Variants in KLF12 observed in about 807,000 individuals in gnomAD.
KLF12 encodes the protein KLF transcription factor 12.
Under a neutral mutation model 37.8 loss-of-function variants are expected in KLF12, and 9 were observed. The ratio of observed to expected loss-of-function variants is 0.24; its 90% CI spans 0.14 to 0.42. The LOEUF (loss-of-function observed/expected upper bound fraction) is 0.42, where lower values mean the gene tolerates loss of function less well. KLF12 is among the 10% of genes least tolerant of loss of function. The pLI is 1.00. For synonymous variants in KLF12, 208 were observed against 202.1 expected (o/e 1.03, Z -0.25); for missense variants, 411 against 516.0 (o/e 0.80, Z 1.97).
intron 5 of KLF12, among the ~76,000 whole-genome samples, chr13:73,790,819 T>G (rs1881641472): frequency 6.6e-6 from 1 of 152,208 alleles, no homozygotes; most frequent in Admixed American, 6.5e-5. Context: ...CTGGTTGACT[T>G]GCACACAGGG....
chr13:73,927,634 T>C (rs1315840087), intron 3 of KLF12, among the ~76,000 whole-genome samples: 1 of 152,152 alleles, frequency 6.6e-6, no homozygotes, highest in Non-Finnish European at 1.5e-5. Context: ...TGGAGTGCAG[T>C]GGCGCGATCT....
rs1282567642 is a variant in KLF12, at chr13:73,690,975, C to T, written c.*4515G>A. ...GTATCAGTGGACATGGGTTACTAAA[C>T]AGACATTATAATGAAACTGTGAAAA... On this transcript the variant is annotated 3_prime_UTR_variant, in exon 8 of 8. Transcript: ENST00000377669. The T allele has an allele frequency of 6.6e-6, 1 of 152,570 alleles. No homozygotes were observed. The allele number at this position is 152,570 out of a possible 1,614,324, so 9.5% of individuals were successfully genotyped here. A position where few individuals can be genotyped will look rare whatever the true frequency, so the allele number is the denominator to read the frequency against.
chr13:73,878,274 T>C (rs2138927821), intron 3 of KLF12, among the ~76,000 whole-genome samples: 1 of 152,264 alleles, frequency 6.6e-6, no homozygotes, highest in Admixed American at 6.5e-5. Flanking sequence ...CTATGGATAA[T>C]CACATAAAAT....
chr13:74,096,930 A>G (rs1413964546), intron 1 of KLF12, among the ~76,000 whole-genome samples: 2 of 152,164 alleles, frequency 1.3e-5, no homozygotes, highest in Non-Finnish European at 2.9e-5. Context: ...GAAACAAAGG[A>G]GTTAAAAGCC....
chr13:74,138,972 A>G, the KLF12 span, among the ~76,000 whole-genome samples: 1 of 152,216 alleles, frequency 6.6e-6, no homozygotes, highest in Admixed American at 6.5e-5. Flanking sequence ...ACATACATGT[A>G]TACATATCCA....
intron 1 of KLF12, among the ~76,000 whole-genome samples, chr13:74,047,058 G>A (rs1384274573): frequency 6.6e-6 from 1 of 152,038 alleles, no homozygotes; most frequent in Non-Finnish European, 1.5e-5. Flanking sequence ...AATCTAAATG[G>A]TATATAATGC....
chr13:74,196,389 TG>T, the KLF12 span, among the ~76,000 whole-genome samples: 1 of 152,006 alleles, frequency 6.6e-6, no homozygotes, highest in African/African-American at 2.4e-5. Flanking sequence ...TTCTTGCAGG[TG>T]GGGGAGAACA....
chr13:73,993,939 C>A (rs1566496843), intron 2 of KLF12, among the ~76,000 whole-genome samples: 3 of 152,200 alleles, frequency 2.0e-5, no homozygotes, highest in Non-Finnish European at 4.4e-5. Context: ...TACAGTTAAT[C>A]CTCACTAAGT....
chr13:74,199,319 T>C, the KLF12 span, among the ~76,000 whole-genome samples: 1 of 152,190 alleles, frequency 6.6e-6, no homozygotes, highest in Non-Finnish European at 1.5e-5. Flanking sequence ...AATGATATAC[T>C]TCAATTCAAC....
chr13:73,940,640 T>G (rs1399215261), intron 3 of KLF12, among the ~76,000 whole-genome samples: 5 of 152,232 alleles, frequency 3.3e-5, no homozygotes, highest in Non-Finnish European at 7.3e-5. Context: ...CTAATTATAA[T>G]GCCCAGACAA....
chr13:74,100,002 A>T (rs751184591), intron 1 of KLF12, among the ~76,000 whole-genome samples: 3 of 152,106 alleles, frequency 2.0e-5, no homozygotes, highest in Non-Finnish European at 4.4e-5. Flanking sequence ...GCACACACAC[A>T]GGGAAGCAGG....
chr13:74,239,035 G>A, the KLF12 span, among the ~76,000 whole-genome samples: 2 of 148,180 alleles, frequency 1.3e-5, no homozygotes, highest in Non-Finnish European at 3.0e-5. Flanking sequence ...GTGATGTTAG[G>A]GTGTCAATTT....
intron 2 of KLF12, among the ~76,000 whole-genome samples, chr13:73,986,438 T>C (rs931464017): frequency 2.6e-5 from 4 of 152,214 alleles, no homozygotes; most frequent in East Asian, 1.9e-4. Context: ...AAAATGAGAA[T>C]TCTTTCAAAA....
chr13:73,699,361 G>C (rs1026951284), intron 7 of KLF12, among the ~76,000 whole-genome samples: 11 of 152,116 alleles, frequency 7.2e-5, no homozygotes, highest in African/African-American at 2.2e-4. Context: ...ATTCCAGCCT[G>C]TGTGACCAGG....
intron 1 of KLF12, among the ~76,000 whole-genome samples, chr13:74,059,241 T>C (rs1037610431): frequency 6.6e-5 from 10 of 152,230 alleles, no homozygotes; most frequent in African/African-American, 2.2e-4. Flanking sequence ...AGTGCTGCGA[T>C]AAACACACAA....
intron 6 of KLF12, among the ~76,000 whole-genome samples, chr13:73,763,102 C>T (rs1879674068): frequency 6.6e-6 from 1 of 152,174 alleles, no homozygotes; most frequent in Non-Finnish European, 1.5e-5. Context: ...AAGCTTTCTT[C>T]TTTGGGATGG....
rs143211635 is a variant in KLF12, at chr13:73,868,534, G to T, written c.124-22161C>A. On this transcript the variant is annotated intron_variant, in intron 3 of 7. Transcript: ENST00000377669. The stretch of plus-strand genomic sequence containing the variant: ...GCCTCCCGAGTAGCTGGGACTACAG[G>T]TGCACAACAACATGCCCAGCTAATT... Among the ~76,000 whole-genome samples the T allele has an allele frequency of 5.3e-3, 809 of 151,892 alleles. 8 individuals are homozygous for T. The highest frequency in any genetic ancestry group is 0.019 in the African/African-American group (771 of 41,420).
At chr13:74,090,566 G>C (rs1593891510) in intron 1 of KLF12, among the ~76,000 whole-genome samples, 1 of 152,176 alleles carries the variant, frequency 6.6e-6, no homozygotes, top group South Asian at 2.1e-4. Context: ...CTGGTGGGTC[G>C]CTGTGGTTTT....
chr13:74,004,927 T>C (rs1470584354), intron 1 of KLF12, among the ~76,000 whole-genome samples: 16 of 151,212 alleles, frequency 1.1e-4, no homozygotes, highest in Non-Finnish European at 2.2e-4. Flanking sequence ...TATCCAAACC[T>C]GTGCACAGAC....
Sources: allele counts gnomAD v4.1 joint callset (sites outside exome capture counted in the v4.1 genomes callset), GRCh38; gene constraint gnomAD v4.1.1; transcripts MANE v1.5; gene names NCBI Gene and HGNC (gene_info 2026-07-23, HGNC 2026-07-21).